The following SLC9A9 variants were observed in gnomAD, a reference collection of about 807,000 sequenced individuals.
The protein encoded by SLC9A9 is sodium/hydrogen exchanger 9.
Under a neutral mutation model 77.8 loss-of-function variants are expected in SLC9A9, and 62 were observed. The observed-to-expected ratio is 0.80, with a 90% CI of 0.65 to 0.98. The LOEUF (loss-of-function observed/expected upper bound fraction) is 0.98. Ranked by LOEUF, SLC9A9 falls within the 50% of genes least tolerant of loss-of-function variation. SLC9A9 has a pLI of 0.00. For synonymous variants in SLC9A9, 320 were observed against 283.5 expected (o/e 1.13, Z -1.29); for missense variants, 775 against 774.9 (o/e 1.00, Z 0.00).
At chr3:143,822,978 A>G (rs1420002232) in intron 2 of SLC9A9, among the ~76,000 whole-genome samples, 3 of 137,268 alleles carry the variant, frequency 2.2e-5, no homozygotes, top group African/African-American at 8.0e-5. Context: ...CACAGAGCAC[A>G]CATAATTCAC....
In SLC9A9 at chr3:143,552,346, A is replaced by C; in HGVS notation, c.1089+16T>G. 1.9e-6 allele frequency: 3 copies of C among 1,592,006 alleles called. No individual in the cohort carries two copies. Among genetic ancestry groups the C allele is most frequent in the Non-Finnish European group, 2.6e-6 (3 of 1,162,408 alleles). On this transcript the variant is annotated intron_variant, in intron 9 of 15. Transcript: ENST00000316549. ...TGAGAAAAGAGACCAAGTCTGTAGT[A>C]AATTTTTTCTTTTACCTGTTTAGTT...
rs548033320 is a variant in SLC9A9, at chr3:143,607,532, G to A, written c.756-28809C>T. Among the ~76,000 whole-genome samples, 21 of 152,190 alleles carry A rather than the reference G, an allele frequency of 1.4e-4. 1 individual carries two copies. The highest frequency in any genetic ancestry group is 5.1e-4 in the African/African-American group (21 of 41,552). ...TAAAGCATTTTAATTTATACATAGT[G>A]TCCAGGATGATGCTAGGAATATTTG... On this transcript the variant is annotated intron_variant, in intron 6 of 15. Transcript: ENST00000316549.
chr3:143,531,543 A>G (rs1328901452), intron 9 of SLC9A9, among the ~76,000 whole-genome samples: 5 of 152,212 alleles, frequency 3.3e-5, no homozygotes. Flanking sequence ...ACCTTTAGGA[A>G]GAAGGCAGTC....
At chr3:143,653,028 C>T (rs914462832) in intron 5 of SLC9A9, among the ~76,000 whole-genome samples, 1 of 152,120 alleles carries the variant, frequency 6.6e-6, no homozygotes, top group African/African-American at 2.4e-5. Context: ...TCAGTAACTG[C>T]TTGATGCATG....
At chr3:143,709,550 G>A (rs991285376) in intron 4 of SLC9A9, among the ~76,000 whole-genome samples, 3 of 152,130 alleles carry the variant, frequency 2.0e-5, no homozygotes, top group Non-Finnish European at 1.5e-5. Flanking sequence ...AGTGTACCCT[G>A]ATGGCAATTT....
chr3:143,614,484 AT>A (rs991006800), intron 6 of SLC9A9, among the ~76,000 whole-genome samples: 1 of 152,172 alleles, frequency 6.6e-6, no homozygotes, highest in African/African-American at 2.4e-5. Flanking sequence ...CTCTCTTCAG[AT>A]TCCAGGCACT....
intron 13 of SLC9A9, among the ~76,000 whole-genome samples, chr3:143,366,255 C>A (rs1410900729): frequency 6.6e-6 from 1 of 152,090 alleles, no homozygotes; most frequent in Non-Finnish European, 1.5e-5. Flanking sequence ...CATTATCCAG[C>A]CATTAATTTT....
chr3:143,661,900 A>T (rs1231200867), intron 5 of SLC9A9, among the ~76,000 whole-genome samples: 2 of 134,460 alleles, frequency 1.5e-5, no homozygotes, highest in African/African-American at 3.1e-5. Context: ...CTACTTGAAA[A>T]ACTACTTATC....
At chr3:143,805,060 A>C (rs184305509) in intron 2 of SLC9A9, among the ~76,000 whole-genome samples, 192 of 152,332 alleles carry the variant, frequency 1.3e-3, no homozygotes, top group African/African-American at 4.4e-3. Context: ...GACAGAGCCC[A>C]AAAACTTGCC....
intron 12 of SLC9A9, among the ~76,000 whole-genome samples, chr3:143,390,848 C>T (rs1160470395): frequency 6.6e-6 from 1 of 152,222 alleles, no homozygotes; most frequent in African/African-American, 2.4e-5. Flanking sequence ...GAGCCTCACT[C>T]ATTGCTAGCA....
intron 4 of SLC9A9, among the ~76,000 whole-genome samples, chr3:143,715,032 C>T (rs1418481126): frequency 6.6e-6 from 1 of 152,176 alleles, no homozygotes; most frequent in African/African-American, 2.4e-5. Context: ...TGCTGTCATC[C>T]GTGTAAGACG....
chr3:143,813,666 A>G (rs2008929944), intron 2 of SLC9A9, among the ~76,000 whole-genome samples: 1 of 152,100 alleles, frequency 6.6e-6, no homozygotes, highest in African/African-American at 2.4e-5. Flanking sequence ...CCGCAGACCA[A>G]GCCCCATTAT....
At chr3:143,779,667 G>A (rs972905502) in intron 4 of SLC9A9, among the ~76,000 whole-genome samples, 4 of 152,090 alleles carry the variant, frequency 2.6e-5, no homozygotes, top group Admixed American at 1.3e-4. Context: ...CACCACACTC[G>A]GCCTAATCCT....
chr3:143,760,568 T>G (rs978310714), intron 4 of SLC9A9, among the ~76,000 whole-genome samples: 2 of 152,062 alleles, frequency 1.3e-5, no homozygotes, highest in East Asian at 1.9e-4. Flanking sequence ...GAGAGCCAAA[T>G]CATGAGTGAA....
At chr3:143,713,479 G>A (rs920476500) in intron 4 of SLC9A9, among the ~76,000 whole-genome samples, 4 of 152,206 alleles carry the variant, frequency 2.6e-5, no homozygotes, top group Non-Finnish European at 4.4e-5. Context: ...TTTAATCTAT[G>A]TTGCTCTAGA....
chr3:143,414,188 G>T (rs986358401), intron 12 of SLC9A9, among the ~76,000 whole-genome samples: 1 of 152,160 alleles, frequency 6.6e-6, no homozygotes, highest in South Asian at 2.1e-4. Context: ...ACCTGCATTT[G>T]TGTGTATATT....
chr3:143,776,993 C>T (rs76001766), intron 4 of SLC9A9, among the ~76,000 whole-genome samples: 4,515 of 152,138 alleles, frequency 0.03, 224 homozygotes, highest in African/African-American at 0.1. Context: ...AAATAACTTA[C>T]ATTTGGGAGC....
rs141871160 is a variant in SLC9A9 at position 143,384,296 on chromosome 3, C to T, written c.1470-2182G>A. Among the ~76,000 whole-genome samples, 20 of 152,260 alleles carry T rather than the reference C, an allele frequency of 1.3e-4. No homozygotes were observed. In the East Asian group the frequency reaches 3.9e-3, roughly 29 times the overall value. On this transcript the variant is annotated intron_variant, in intron 12 of 15. Transcript: ENST00000316549. ...CCCCTTCTCTTATGGGGCCAGGCCA[C>T]TCTCACAGCTGTGTGGTGGATCAGA... is the stretch of plus-strand genomic sequence containing the variant.
At chr3:143,780,520 C>G (rs2007837517) in intron 4 of SLC9A9, among the ~76,000 whole-genome samples, 2 of 152,008 alleles carry the variant, frequency 1.3e-5, no homozygotes, top group Admixed American at 1.3e-4. Flanking sequence ...AGTTTGGACA[C>G]CAAAAGAGGA....
Sources: gnomAD v4.1 joint callset for allele counts (sites outside exome capture counted in the v4.1 genomes callset) on GRCh38, gnomAD v4.1.1 for gene constraint, MANE v1.5 for transcripts, NCBI Gene and HGNC (gene_info 2026-07-23, HGNC 2026-07-21) for gene names.